ADAMTS18: variants seen among roughly 807,000 people sequenced by gnomAD.
ADAMTS18 encodes the protein A disintegrin and metalloproteinase with thrombospondin motifs 18.
In ADAMTS18, 157 loss-of-function variants were observed where a neutral mutation model predicts 165.9. The ratio of observed to expected loss-of-function variants is 0.95; its 90% CI spans 0.83 to 1.08. The LOEUF (loss-of-function observed/expected upper bound fraction) is 1.08. ADAMTS18 is among the 50% of genes least tolerant of loss of function. The pLI, the probability that ADAMTS18 is intolerant of heterozygous loss-of-function variation, is 0.00. For synonymous variants in ADAMTS18, 782 were observed against 578.2 expected, an observed-to-expected ratio of 1.35 and a Z score of -5.06; for missense variants, 2,040 against 1,534.0, an observed-to-expected ratio of 1.33 and a Z score of -5.51.
chr16:77,312,021 T>C (rs1234765816), intron 16 of ADAMTS18, among the ~76,000 whole-genome samples: 1 of 152,178 alleles, frequency 6.6e-6, no homozygotes, highest in Non-Finnish European at 1.5e-5. Context: ...AAAAACATAT[T>C]ATACATATCC....
chr16:77,312,922 G>C (rs1039986135), intron 16 of ADAMTS18, among the ~76,000 whole-genome samples: 23 of 152,128 alleles, frequency 1.5e-4, no homozygotes, highest in African/African-American at 5.6e-4. Context: ...AATACCATTT[G>C]ACCCCGCAAT....
chr16:77,431,250 C>A (rs773618414), intron 3 of ADAMTS18, 45 bp downstream of exon 3: 309 of 1,609,032 alleles, frequency 1.9e-4, no homozygotes, highest in Non-Finnish European at 2.5e-4. Context: ...TCAAGTTACA[C>A]AAAACACGAA....
At chr16:77,347,059 C>T (rs2056487960) in intron 10 of ADAMTS18, among the ~76,000 whole-genome samples, 1 of 152,178 alleles carries the variant, frequency 6.6e-6, no homozygotes, top group Non-Finnish European at 1.5e-5. Flanking sequence ...TGGAACCATA[C>T]AGAATGTACT....
intron 3 of ADAMTS18, among the ~76,000 whole-genome samples, chr16:77,405,168 T>C (rs765822557): frequency 6.6e-6 from 1 of 152,176 alleles, no homozygotes; most frequent in Non-Finnish European, 1.5e-5. Context: ...AGAGAAAATG[T>C]GGACTCCTCA....
chr16:77,388,915 C>G (rs564579210), intron 3 of ADAMTS18, among the ~76,000 whole-genome samples: 2 of 152,118 alleles, frequency 1.3e-5, no homozygotes, highest in African/African-American at 4.8e-5. Context: ...ACTTTTGTGT[C>G]AAGGTAGCAA....
At chr16:77,397,975 C>T (rs1055827402) in intron 3 of ADAMTS18, among the ~76,000 whole-genome samples, 3 of 151,912 alleles carry the variant, frequency 2.0e-5, no homozygotes, top group African/African-American at 7.3e-5. Flanking sequence ...GTTTGGGACA[C>T]CCAATATAAA....
chr16:77,426,782 G>A (rs2057678447), intron 3 of ADAMTS18, among the ~76,000 whole-genome samples: 1 of 152,184 alleles, frequency 6.6e-6, no homozygotes, highest in Non-Finnish European at 1.5e-5. Context: ...CAGCACTTTG[G>A]GAGGCTGAGG....
At chr16:77,284,158 T>C (rs1000203843) in intron 22 of ADAMTS18, 87 bp from the exon 23 acceptor site, 12 of 863,792 alleles carry the variant, frequency 1.4e-5, no homozygotes, top group Non-Finnish European at 2.1e-5. Flanking sequence ...TCTCACTCTG[T>C]TACCTAGGCT....
At chr16:77,291,627 A>G in intron 20 of ADAMTS18, 149 bp from the exon 21 acceptor site, 1 of 854,600 alleles carries the variant, frequency 1.2e-6, no homozygotes, top group African/African-American at 1.6e-5. Flanking sequence ...AGGATCTTAC[A>G]GATACAGCAG....
chr16:77,334,954 A>G (rs2056283420), intron 12 of ADAMTS18, among the ~76,000 whole-genome samples: 1 of 141,890 alleles, frequency 7.0e-6, no homozygotes, highest in Admixed American at 7.2e-5. Flanking sequence ...AGTATATAGT[A>G]GTATATATAC....
intron 7 of ADAMTS18, among the ~76,000 whole-genome samples, chr16:77,360,152 C>A (rs1228284058): frequency 6.6e-6 from 1 of 152,096 alleles, no homozygotes; most frequent in Non-Finnish European, 1.5e-5. Flanking sequence ...TGGATTGTAC[C>A]CACTTCATTG....
Position 77,423,120 on chromosome 16 carries a change from G to C in ADAMTS18, c.495+8175C>G, listed in dbSNP as rs74028910. 3.3e-3 allele frequency among the ~76,000 whole-genome samples: 502 copies of C among 152,296 alleles called. 3 individuals are homozygous for C. The highest frequency in any genetic ancestry group is 0.012 in the African/African-American group (488 of 41,556). On this transcript the variant is annotated intron_variant, in intron 3 of 22. Coordinates refer to ENST00000282849, the MANE Select transcript of ADAMTS18 (RefSeq NM_199355.4). ...TCTTTTCAAGTGCTCAGGTCCTTTT[G>C]AAGTGCCTTACTAAAAAATATCCTA... is the stretch of plus-strand genomic sequence containing the variant.
chr16:77,422,450 G>C (rs962816750), intron 3 of ADAMTS18, among the ~76,000 whole-genome samples: 2 of 151,314 alleles, frequency 1.3e-5, no homozygotes, highest in East Asian at 3.9e-4. Context: ...GGATAGCTTG[G>C]ATCTAGCCTT....
intron 10 of ADAMTS18, among the ~76,000 whole-genome samples, chr16:77,342,456 T>TTTTG (rs1426284591): frequency 9.2e-6 from 1 of 109,174 alleles, no homozygotes; most frequent in Non-Finnish European, 1.9e-5. Context: ...GTTTATAGTT[T>TTTTG]ATTGACTGAC....
At chr16:77,288,392 C>T (rs1390094705) in intron 22 of ADAMTS18, among the ~76,000 whole-genome samples, 1 of 138,448 alleles carries the variant, frequency 7.2e-6, no homozygotes, top group Non-Finnish European at 1.6e-5. Context: ...GTAACTGCTA[C>T]AGAGCTATTT....
rs370743740 is a variant in ADAMTS18 at position 77,293,198 on chromosome 16, C to T, written c.3067G>A (p.Ala1023Thr). ...KRELLCKGSA[A>T]ETLPESQCTS... ...CACTGGCTCTCGGGGAGGGTTTCTG[C>T]GGCAGAGCCCTTGCAGAGGAGTTCA... The change falls in exon 20 of 23, where the codon GCA (alanine) becomes ACA (threonine). Residue 1023 changes from alanine (A) to threonine (T), a missense_variant. By Grantham distance (58) the Ala-to-Thr change is moderately conservative. Transcript: ENST00000282849. The T allele has an allele frequency of 7.8e-5, 126 of 1,613,980 alleles. No homozygotes were observed. In the East Asian group the frequency reaches 1.6e-3, roughly 20 times the overall value.
chr16:77,424,271 C>G (rs964860559), intron 3 of ADAMTS18, among the ~76,000 whole-genome samples: 2 of 152,138 alleles, frequency 1.3e-5, no homozygotes, highest in Non-Finnish European at 2.9e-5. Context: ...GAGTTCAAGA[C>G]CAGCCTGACC....
At chr16:77,294,649 G>C (rs2055430675) in intron 19 of ADAMTS18, among the ~76,000 whole-genome samples, 1 of 152,134 alleles carries the variant, frequency 6.6e-6, no homozygotes, top group Non-Finnish European at 1.5e-5. Context: ...TCTGATACTG[G>C]AATCCTTTCT....
At chr16:77,297,869 A>T in intron 17 of ADAMTS18, among the ~76,000 whole-genome samples, 1 of 150,810 alleles carries the variant, frequency 6.6e-6, no homozygotes, top group Admixed American at 6.6e-5. Flanking sequence ...AAAGAGTAGA[A>T]CTCACTAAAT....
Sources: allele counts gnomAD v4.1 joint callset (sites outside exome capture counted in the v4.1 genomes callset), GRCh38; gene constraint gnomAD v4.1.1; transcripts MANE v1.5; gene names NCBI Gene and HGNC (gene_info 2026-07-23, HGNC 2026-07-21).